CCSER1: variants seen among roughly 807,000 people sequenced by gnomAD.
CCSER1 encodes the protein serine-rich coiled-coil domain-containing protein 1.
In CCSER1, 41 loss-of-function variants were observed where a neutral mutation model predicts 82.0. That is an observed-to-expected ratio of 0.50 (90% CI 0.39 to 0.65). CCSER1 has a LOEUF of 0.65. CCSER1 is among the 30% of genes least tolerant of loss of function. The pLI is 0.00. For synonymous variants in CCSER1, 414 were observed against 383.9 expected, an observed-to-expected ratio of 1.08 and a Z score of -0.92; for missense variants, 1,119 against 1,064.2, an observed-to-expected ratio of 1.05 and a Z score of -0.72.
chr4:91,204,461 C>T (rs1420852207), intron 10 of CCSER1, among the ~76,000 whole-genome samples: 5 of 151,768 alleles, frequency 3.3e-5, no homozygotes, highest in Non-Finnish European at 7.4e-5. Context: ...GGAAATCCCA[C>T]CCCCCAAAAT....
intron 10 of CCSER1, among the ~76,000 whole-genome samples, chr4:91,450,795 T>G (rs529530472): frequency 6.6e-6 from 1 of 152,058 alleles, no homozygotes; most frequent in East Asian, 1.9e-4. Context: ...TGTGAGAAAC[T>G]ACTCAATGCT....
intron 5 of CCSER1, among the ~76,000 whole-genome samples, chr4:90,559,781 G>A (rs1211813602): frequency 2.2e-5 from 3 of 139,186 alleles, no homozygotes; most frequent in African/African-American, 8.1e-5. Context: ...CTGCACTCCA[G>A]CCTGGGAGAC....
chr4:90,655,020 GT>G (rs1248690778), intron 6 of CCSER1, among the ~76,000 whole-genome samples: 2 of 151,928 alleles, frequency 1.3e-5, no homozygotes, highest in East Asian at 3.8e-4. Flanking sequence ...TCTAGCAATT[GT>G]TTATATTTTG....
At chr4:90,583,077 A>C (rs993132620) in intron 5 of CCSER1, among the ~76,000 whole-genome samples, 1 of 152,170 alleles carries the variant, frequency 6.6e-6, no homozygotes, top group African/African-American at 2.4e-5. Flanking sequence ...TTTACCTCAA[A>C]TTAACCACAC....
At chr4:90,400,436 G>A (rs1477525182) in intron 4 of CCSER1, among the ~76,000 whole-genome samples, 10 of 152,172 alleles carry the variant, frequency 6.6e-5, no homozygotes, top group Middle Eastern at 6.8e-3. Context: ...ATTTTCTTCT[G>A]TTTTGTGGAA....
chr4:90,876,060 A>G (rs1456426095), intron 8 of CCSER1, among the ~76,000 whole-genome samples: 1 of 152,118 alleles, frequency 6.6e-6, no homozygotes, highest in Non-Finnish European at 1.5e-5. Context: ...TTCTTTTCAA[A>G]CTTAAAACTT....
At chr4:91,366,177 G>A (rs915966107) in intron 10 of CCSER1, among the ~76,000 whole-genome samples, 3 of 151,944 alleles carry the variant, frequency 2.0e-5, no homozygotes, top group Admixed American at 1.3e-4. Context: ...CCACCTCCAC[G>A]CCCAGCTAAT....
At chr4:90,563,200 C>T (rs1778986503) in intron 5 of CCSER1, among the ~76,000 whole-genome samples, 1 of 151,958 alleles carries the variant, frequency 6.6e-6, no homozygotes, top group African/African-American at 2.4e-5. Context: ...CAACCTCCGC[C>T]TCCCGGGTTG....
Position 91,470,935 on chromosome 4 carries a change from C to T in CCSER1, c.2218-127637C>T, listed in dbSNP as rs368399198. Among the ~76,000 whole-genome samples the T allele has an allele frequency of 3.3e-5, 5 of 152,282 alleles. No individual in the cohort carries two copies. The South Asian group carries it at 6.2e-4, about 19-fold the overall frequency. ...TTGCTCATTCATAAGCTATGAAACT[C>T]ATTCCTGCATATTCTAATGTATATG... On this transcript the variant is annotated intron_variant, in intron 10 of 10. Coordinates refer to ENST00000509176, the MANE Select transcript of CCSER1 (RefSeq NM_001145065.2).
intron 5 of CCSER1, among the ~76,000 whole-genome samples, chr4:90,543,688 AGAAT>A (rs1316683368): frequency 6.6e-6 from 1 of 152,150 alleles, no homozygotes; most frequent in Non-Finnish European, 1.5e-5. Context: ...GTATCTCACA[AGAAT>A]GTCTGATATT....
chr4:90,153,848 T>C (rs1458687741), intron 1 of CCSER1, among the ~76,000 whole-genome samples: 1 of 152,216 alleles, frequency 6.6e-6, no homozygotes, highest in Non-Finnish European at 1.5e-5. Context: ...TTCACTCTGA[T>C]GGTAGTTTCT....
intron 5 of CCSER1, among the ~76,000 whole-genome samples, chr4:90,624,170 A>G (rs1419080772): frequency 1.3e-5 from 2 of 152,180 alleles, no homozygotes; most frequent in East Asian, 1.9e-4. Context: ...AGTGTAAATC[A>G]TTGAGATGCT....
chr4:90,770,479 T>A (rs980654181), intron 7 of CCSER1, among the ~76,000 whole-genome samples: 1 of 152,190 alleles, frequency 6.6e-6, no homozygotes, highest in Admixed American at 6.5e-5. Context: ...TAATAACATA[T>A]AGAAAATAAT....
chr4:90,356,948 A>G (rs1467047615), intron 3 of CCSER1, among the ~76,000 whole-genome samples: 1 of 151,936 alleles, frequency 6.6e-6, no homozygotes, highest in Non-Finnish European at 1.5e-5. Context: ...ATGTATACAT[A>G]AATAGACCTG....
intron 1 of CCSER1, among the ~76,000 whole-genome samples, chr4:90,297,407 G>T (rs1732172939): frequency 6.6e-6 from 1 of 151,858 alleles, no homozygotes; most frequent in African/African-American, 2.4e-5. Flanking sequence ...AGACAGTGGG[G>T]TTTTCTAGAT....
intron 10 of CCSER1, among the ~76,000 whole-genome samples, chr4:91,297,565 ATCC>A (rs1744314640): frequency 6.6e-6 from 1 of 151,938 alleles, no homozygotes; most frequent in African/African-American, 2.4e-5. Flanking sequence ...CAATGACAGG[ATCC>A]AGGTTGCACC....
intron 5 of CCSER1, among the ~76,000 whole-genome samples, chr4:90,579,305 G>A (rs1781148783): frequency 6.6e-6 from 1 of 152,130 alleles, no homozygotes; most frequent in South Asian, 2.1e-4. Flanking sequence ...AATCAACACA[G>A]TCATTTTGAA....
intron 1 of CCSER1, among the ~76,000 whole-genome samples, chr4:90,271,612 A>G (rs533055259): frequency 1.3e-5 from 2 of 151,876 alleles, no homozygotes; most frequent in Admixed American, 1.3e-4. Flanking sequence ...TCCACCAAGC[A>G]CAGGCAACTA....
chr4:90,888,991 T>C (rs1722562785), intron 8 of CCSER1, among the ~76,000 whole-genome samples: 2 of 152,054 alleles, frequency 1.3e-5, no homozygotes, highest in Admixed American at 6.5e-5. Context: ...CATAGCAATG[T>C]CATAGTTTGT....
Sources: gnomAD v4.1 joint callset for allele counts (sites outside exome capture counted in the v4.1 genomes callset) on GRCh38, gnomAD v4.1.1 for gene constraint, MANE v1.5 for transcripts, NCBI Gene and HGNC (gene_info 2026-07-23, HGNC 2026-07-21) for gene names.